The following SIL1 variants were observed in gnomAD, a reference collection of about 807,000 sequenced individuals.
SIL1 encodes nucleotide exchange factor SIL1.
In SIL1, 40 loss-of-function variants were observed where a neutral mutation model predicts 49.1. The ratio of observed to expected loss-of-function variants is 0.81; its 90% CI spans 0.63 to 1.06. SIL1 has a LOEUF of 1.06. Ranked by LOEUF, SIL1 falls within the 50% of genes least tolerant of loss-of-function variation. SIL1 has a pLI of 0.00. For synonymous variants in SIL1, 253 were observed against 250.8 expected, an observed-to-expected ratio of 1.01 and a Z score of -0.08; for missense variants, 500 against 572.6, an observed-to-expected ratio of 0.87 and a Z score of 1.29.
At chr5:139,051,631 TAA>T (rs1468679292) in intron 3 of SIL1, among the ~76,000 whole-genome samples, 2 of 152,112 alleles carry the variant, frequency 1.3e-5, no homozygotes, top group Admixed American at 1.3e-4. Flanking sequence ...GCTTGGCACA[TAA>T]AAGTGTGGCA....
intron 7 of SIL1, among the ~76,000 whole-genome samples, chr5:138,961,504 G>A (rs1767018817): frequency 6.6e-6 from 1 of 152,276 alleles, no homozygotes; most frequent in South Asian, 2.1e-4. Context: ...GATTGAACCA[G>A]GTGGCCTAAA....
At chr5:139,118,738 T>G (rs1407445493) in intron 3 of SIL1, among the ~76,000 whole-genome samples, 1 of 152,190 alleles carries the variant, frequency 6.6e-6, no homozygotes, top group African/African-American at 2.4e-5. Context: ...ATAATCTGGT[T>G]GAAGGCAAGT....
At chr5:139,088,455 CACT>C (rs1770273511) in intron 3 of SIL1, among the ~76,000 whole-genome samples, 1 of 152,222 alleles carries the variant, frequency 6.6e-6, no homozygotes, top group African/African-American at 2.4e-5. Context: ...ATGCCACCTC[CACT>C]ACCCCACCCA....
intron 2 of SIL1, among the ~76,000 whole-genome samples, chr5:139,123,125 T>G (rs900459921): frequency 8.5e-5 from 13 of 152,124 alleles, no homozygotes; most frequent in African/African-American, 2.9e-4. Context: ...CATCCAGGAG[T>G]GACTATACAA....
At chr5:139,038,809 T>C (rs991180634) in intron 5 of SIL1, among the ~76,000 whole-genome samples, 8 of 152,216 alleles carry the variant, frequency 5.3e-5, no homozygotes, top group African/African-American at 1.9e-4. Flanking sequence ...CTTATTCCAC[T>C]GGCCCCGCCC....
At chr5:138,970,281 G>A (rs1301896298) in intron 7 of SIL1, among the ~76,000 whole-genome samples, 1 of 152,216 alleles carries the variant, frequency 6.6e-6, no homozygotes. Context: ...TGAGGGTACA[G>A]TTACCACATA....
chr5:139,087,450 G>A (rs1319497268), intron 3 of SIL1, among the ~76,000 whole-genome samples: 4 of 152,056 alleles, frequency 2.6e-5, no homozygotes, highest in South Asian at 2.1e-4. Flanking sequence ...AGGCGGAGGC[G>A]GGAGAACTGC....
chr5:139,015,029 T>C (rs1359157852), intron 7 of SIL1, among the ~76,000 whole-genome samples: 2 of 152,224 alleles, frequency 1.3e-5, no homozygotes, highest in Admixed American at 6.5e-5. Flanking sequence ...GGTATCTGAA[T>C]CATCCATGAT....
chr5:139,041,674 A>C (rs1769050177), intron 5 of SIL1, among the ~76,000 whole-genome samples: 1 of 151,996 alleles, frequency 6.6e-6, no homozygotes, highest in African/African-American at 2.4e-5. Context: ...TGTAGTGGCA[A>C]GCACCTGTAA....
chr5:139,143,365 ATG>A (rs1751131000), intron 1 of SIL1, among the ~76,000 whole-genome samples: 1 of 143,608 alleles, frequency 7.0e-6, no homozygotes, highest in Non-Finnish European at 1.5e-5. Flanking sequence ...ATATATATAT[ATG>A]GTTTTTTGTT....
rs143253445 is a variant in SIL1 at position 138,977,688 on chromosome 5, T to TA, written c.768-25805dup. Among the ~76,000 whole-genome samples the TA allele has an allele frequency of 8.3e-3, 1,267 of 152,302 alleles. 7 individuals are homozygous for TA. The highest frequency in any genetic ancestry group is 0.013 in the Non-Finnish European group (877 of 68,032). Reference sequence around the variant, plus strand: ...AATCAGATCTTGTTACTCCCTTAATTAAATGGCACCAGTGGCTTCCTGCTA... The same window carrying TA: ...AATCAGATCTTGTTACTCCCTTAATTAAAATGGCACCAGTGGCTTCCTGCTA... On this transcript the variant is annotated intron_variant, in intron 7 of 9. Transcript: ENST00000394817.
intron 7 of SIL1, chr5:139,012,638 C>CT (rs1465033997): frequency 6.6e-6 from 1 of 151,526 alleles, no homozygotes; most frequent in Non-Finnish European, 1.5e-5. Flanking sequence ...TTTCTTTTTT[C>CT]TTTTTTTGCA....
intron 7 of SIL1, among the ~76,000 whole-genome samples, chr5:138,961,595 C>T (rs747440119): frequency 6.6e-6 from 1 of 151,974 alleles, no homozygotes; most frequent in Non-Finnish European, 1.5e-5. Context: ...AGGTCTCACC[C>T]ATCTGGTGCT....
chr5:139,146,671 T>G (rs1751202410), intron 1 of SIL1, among the ~76,000 whole-genome samples: 1 of 152,226 alleles, frequency 6.6e-6, no homozygotes, highest in South Asian at 2.1e-4. Context: ...TCCCCTTCTT[T>G]GCCTAAACTG....
At chr5:139,066,805 G>A (rs1459897330) in intron 3 of SIL1, among the ~76,000 whole-genome samples, 1 of 151,970 alleles carries the variant, frequency 6.6e-6, no homozygotes, top group Non-Finnish European at 1.5e-5. Context: ...TCCCAGGCTC[G>A]AGTGATCATC....
intron 6 of SIL1, 98 bp from the exon 7 acceptor site, chr5:139,021,390 A>T: frequency 6.5e-7 from 1 of 1,535,220 alleles, no homozygotes; most frequent in Non-Finnish European, 8.9e-7. Context: ...ACAAATTAAA[A>T]AGCCATGGAA....
chr5:139,037,780 T>C (rs1237743285), intron 5 of SIL1, among the ~76,000 whole-genome samples: 2 of 152,258 alleles, frequency 1.3e-5, no homozygotes, highest in Non-Finnish European at 2.9e-5. Flanking sequence ...TTATAATAGT[T>C]GTTTTAAAAT....
intron 1 of SIL1, chr5:139,137,278 T>C (rs1242198129): frequency 1.3e-5 from 9 of 702,008 alleles, no homozygotes; most frequent in African/African-American, 3.5e-5. Context: ...GGTTCCAATA[T>C]GCTGCTCATT....
intron 3 of SIL1, among the ~76,000 whole-genome samples, chr5:139,089,518 TA>T (rs957000366): frequency 7.7e-5 from 11 of 142,494 alleles, no homozygotes; most frequent in Non-Finnish European, 3.2e-5. Flanking sequence ...CATTTATAAA[TA>T]GTTTCTTTTT....
Sources: gnomAD v4.1 joint callset for allele counts (sites outside exome capture counted in the v4.1 genomes callset) on GRCh38, gnomAD v4.1.1 for gene constraint, MANE v1.5 for transcripts, NCBI Gene and HGNC (gene_info 2026-07-23, HGNC 2026-07-21) for gene names.